Variants in ELAVL3 observed in about 807,000 individuals in gnomAD.
ELAVL3 encodes the protein ELAV like RNA binding protein 3, also known as ELAV-like protein 3.
Under a neutral mutation model 34.2 loss-of-function variants are expected in ELAVL3, and 8 were observed. That is an observed-to-expected ratio of 0.23 (90% CI 0.14 to 0.42). The LOEUF (loss-of-function observed/expected upper bound fraction) is 0.42. Ranked by LOEUF, ELAVL3 falls within the 10% of genes least tolerant of loss-of-function variation. The probability of loss-of-function intolerance (pLI) is 1.00; values close to 1 mark genes in which losing one functional copy is unlikely to be tolerated. For missense variants in ELAVL3, 273 were observed against 518.8 expected (o/e 0.53, Z 4.60); for synonymous variants, 209 against 222.1 (o/e 0.94, Z 0.53).
chr19:11,480,374 T>A lies in ELAVL3; in HGVS notation c.9+226A>T, dbSNP rs980368913. The A allele has an allele frequency of 1.4e-5, 6 of 429,954 alleles. No individual in the cohort carries two copies. 26.6% of individuals were successfully genotyped at this position (429,954 alleles called of 1,614,324 possible). A position where few individuals can be genotyped will look rare whatever the true frequency, so the allele number is the denominator to read the frequency against. ...AGGGCGGCGTCGGACGCCTCCCGAATCGCAGTCAGTCTCCCTAAGGCCCTC... is the reference window on the plus strand; with the variant it reads ...AGGGCGGCGTCGGACGCCTCCCGAAACGCAGTCAGTCTCCCTAAGGCCCTC... On this transcript the variant is annotated intron_variant, in intron 1 of 6. Coordinates refer to ENST00000359227, the MANE Select transcript of ELAVL3 (RefSeq NM_001420.4). This position sits in a 1 kb window ranked among gnomAD's most constrained non-coding sequence, Gnocchi z 6.8.
Position 11,480,483 on chromosome 19 carries a change from A to T in ELAVL3, c.9+117T>A. On this transcript the variant is annotated intron_variant, in intron 1 of 6. Transcript: ENST00000359227. The surrounding 1 kb of genome is among the most constrained non-coding windows in gnomAD (Gnocchi z 6.8). ...CCCGAGGCTTGGTCCTACCCCCCCA[A>T]CCCGGGCCTAGCTAGGCCTGGTCCT... The T allele has an allele frequency of 9.2e-7, 1 of 1,087,896 alleles. No individual in the cohort carries two copies. The highest frequency in any genetic ancestry group is 1.2e-6 in the Non-Finnish European group (1 of 829,756). The allele number at this position is 1,087,896 out of a possible 1,614,324, so 67.4% of individuals were successfully genotyped here.
At position 11,454,193 on chromosome 19, in the gene ELAVL3, T is replaced by G. The variant is rs1555730680; in HGVS notation, c.*333A>C. On this transcript the variant is annotated 3_prime_UTR_variant, in exon 7 of 7. Transcript: ENST00000359227. This position sits in a 1 kb window ranked among gnomAD's most constrained non-coding sequence, Gnocchi z 9.2. The stretch of plus-strand genomic sequence containing the variant: ...CCATCCCATCGGGGGTGGTCGAGGG[T>G]GGGGGTGGGGGCACATCTCTGCATT... The G allele has an allele frequency of 4.4e-6, 1 of 225,934 alleles. No individual in the cohort carries two copies. The highest frequency in any genetic ancestry group is 5.2e-5 in the Admixed American group (1 of 19,330). The allele number at this position is 225,934 out of a possible 1,614,324, so 14.0% of individuals were successfully genotyped here. A position where few individuals can be genotyped will look rare whatever the true frequency, so the allele number is the denominator to read the frequency against.
chr19:11,460,062 CA>C (rs1363724429), intron 3 of ELAVL3, among the ~76,000 whole-genome samples: 1 of 152,082 alleles, frequency 6.6e-6, no homozygotes, highest in Non-Finnish European at 1.5e-5. Flanking sequence ...AAGGGCACTT[CA>C]TACACAGCAC....
At chr19:11,464,448 C>T (rs182633116) in intron 3 of ELAVL3, among the ~76,000 whole-genome samples, 1 of 151,984 alleles carries the variant, frequency 6.6e-6, no homozygotes, top group African/African-American at 2.4e-5. Flanking sequence ...TAGGCGTGGG[C>T]CACTGTGCCT....
chr19:11,471,271 T>C (rs748003478), intron 1 of ELAVL3, among the ~76,000 whole-genome samples: 12 of 149,862 alleles, frequency 8.0e-5, no homozygotes, highest in Non-Finnish European at 1.6e-4. Context: ...GATTACATCA[T>C]TGCATTCCAG....
intron 3 of ELAVL3, among the ~76,000 whole-genome samples, chr19:11,464,408 C>T (rs1168763931): frequency 6.6e-6 from 1 of 151,816 alleles, no homozygotes; most frequent in Non-Finnish European, 1.5e-5. Flanking sequence ...AGTGATCCTC[C>T]TGCCTCGGCC....
Position 11,480,512 on chromosome 19 carries a change from C to CG in ELAVL3, c.9+87_9+88insC, listed in dbSNP as rs1195996327. On this transcript the variant is annotated intron_variant, in intron 1 of 6. Transcript: ENST00000359227. The surrounding 1 kb of genome is among the most constrained non-coding windows in gnomAD (Gnocchi z 6.8). Reference sequence around the variant, plus strand: ...GGGCCTAGCTAGGCCTGGTCCTACCCCCCCCGCCGCACCCGCCCAATCTCC... The same window carrying CG: ...GGGCCTAGCTAGGCCTGGTCCTACCCGCCCCCGCCGCACCCGCCCAATCTCC... 8.6e-6 allele frequency: 12 copies of CG among 1,401,286 alleles called. No individual in the cohort carries two copies. The African/African-American group carries it at 9.0e-5, about 10-fold the overall frequency. The allele number at this position is 1,401,286 out of a possible 1,614,324, so 86.8% of individuals were successfully genotyped here.
intron 5 of ELAVL3, 70 bp from the exon 6 acceptor site, chr19:11,457,218 G>GGCCCCCCCC: frequency 6.8e-7 from 1 of 1,468,662 alleles, no homozygotes. Context: ...CCGTCGGCCT[G>GGCCCCCCCC]CCCTCCCCAC....
chr19:11,459,199 T>C (rs971687532), intron 3 of ELAVL3, among the ~76,000 whole-genome samples: 2 of 151,370 alleles, frequency 1.3e-5, no homozygotes, highest in Non-Finnish European at 2.9e-5. Flanking sequence ...CTCGGCTCAT[T>C]GCAACCTCTG....
intron 5 of ELAVL3, among the ~76,000 whole-genome samples, chr19:11,457,459 C>T (rs185354437): frequency 1.3e-5 from 2 of 152,206 alleles, no homozygotes; most frequent in African/African-American, 2.4e-5. Context: ...CTAACAAAGG[C>T]GACAGTAACT....
In ELAVL3 at chr19:11,451,541, GACT is replaced by G. The variant is rs1970633340; in HGVS notation, c.*2982_*2984del. On this transcript the variant is annotated 3_prime_UTR_variant, in exon 7 of 7. Coordinates refer to ENST00000359227, the MANE Select transcript of ELAVL3 (RefSeq NM_001420.4). ...ACAGTTTTTTATCACCTCCAACATG[GACT>G]CTGTCGTGATTTGAAACCTTCCGAA... 1 of 137,018 alleles carries G rather than the reference GACT, an allele frequency of 7.3e-6. No individual in the cohort carries two copies. The highest frequency in any genetic ancestry group is 2.8e-5 in the African/African-American group (1 of 35,848). The allele number at this position is 137,018 out of a possible 1,614,324, so 8.5% of individuals were successfully genotyped here.
chr19:11,464,025 CAT>C (rs1237665415), intron 3 of ELAVL3, among the ~76,000 whole-genome samples: 7 of 150,908 alleles, frequency 4.6e-5, no homozygotes, highest in Non-Finnish European at 7.4e-5. Context: ...CCTACAGACA[CAT>C]AGGGATATAC....
In ELAVL3 at chr19:11,466,935, T is replaced by C; in HGVS notation, c.10-108A>G. 1.2e-6 allele frequency: 1 copy of C among 843,248 alleles called. No homozygotes were observed. Among genetic ancestry groups the C allele is most frequent in the South Asian group, 1.7e-5 (1 of 57,820 alleles). 52.2% of individuals were successfully genotyped at this position (843,248 alleles called of 1,614,324 possible). On this transcript the variant is annotated intron_variant, in intron 1 of 6. Coordinates refer to ENST00000359227, the MANE Select transcript of ELAVL3 (RefSeq NM_001420.4). The surrounding 1 kb of genome is among the most constrained non-coding windows in gnomAD (Gnocchi z 5.0). ...TTAGCCATGTCTTATAGGGGCTTCGTCATGGGGAGGGGTCACTTTATTATT... is the reference window on the plus strand; with the variant it reads ...TTAGCCATGTCTTATAGGGGCTTCGCCATGGGGAGGGGTCACTTTATTATT...
intron 3 of ELAVL3, among the ~76,000 whole-genome samples, chr19:11,461,233 G>A (rs1207217289): frequency 6.6e-6 from 1 of 152,072 alleles, no homozygotes; most frequent in African/African-American, 2.4e-5. Context: ...AGAAACGGTG[G>A]TGACTGGTGA....
Position 11,480,305 on chromosome 19 carries a change from C to T in ELAVL3, c.9+295G>A. On this transcript the variant is annotated intron_variant, in intron 1 of 6. Transcript: ENST00000359227. This position sits in a 1 kb window ranked among gnomAD's most constrained non-coding sequence, Gnocchi z 6.8. ...AGGAAGCATCCTTAGCCGCCGCGGC[C>T]CCTCCCCCATCAGGCCTGCTGGAGA... The T allele has an allele frequency of 2.7e-6, 1 of 373,104 alleles. No homozygotes were observed. The highest frequency in any genetic ancestry group is 3.9e-5 in the East Asian group (1 of 25,548). 23.1% of individuals were successfully genotyped at this position (373,104 alleles called of 1,614,324 possible).
At chr19:11,456,529 C>A (rs568603927) in intron 6 of ELAVL3, among the ~76,000 whole-genome samples, 1 of 144,576 alleles carries the variant, frequency 6.9e-6, no homozygotes, top group Non-Finnish European at 1.5e-5. Flanking sequence ...GATGGAGTTT[C>A]GCTCTTGTTG....
chr19:11,464,167 A>ATATAT (rs1319720810), intron 3 of ELAVL3, among the ~76,000 whole-genome samples: 1,114 of 103,724 alleles, frequency 0.011, 11 homozygotes, highest in South Asian at 0.019. Context: ...ATATATATAT[A>ATATAT]TTTTTTTTTT....
chr19:11,464,865 C>A (rs868774464), intron 3 of ELAVL3, among the ~76,000 whole-genome samples: 6 of 130,170 alleles, frequency 4.6e-5, no homozygotes, highest in East Asian at 5.1e-4. Context: ...AACACACACA[C>A]CACACACACA....
In ELAVL3 at chr19:11,452,298, CAAAG is replaced by C. The variant is rs1599522263; in HGVS notation, c.*2224_*2227del. 6.6e-6 allele frequency: 1 copy of C among 152,126 alleles called. No homozygotes were observed. 9.4% of individuals were successfully genotyped at this position (152,126 alleles called of 1,614,324 possible). A position where few individuals can be genotyped will look rare whatever the true frequency, so the allele number is the denominator to read the frequency against. On this transcript the variant is annotated 3_prime_UTR_variant, in exon 7 of 7. Transcript: ENST00000359227. ...CATGTCTCGGCAAAACTTAAAGAAACAAAGAGAACATTGTCGTTCCTTTAACTTG... is the reference window on the plus strand; with the variant it reads ...CATGTCTCGGCAAAACTTAAAGAAACAGAACATTGTCGTTCCTTTAACTTG...
Sources: allele counts gnomAD v4.1 joint callset (sites outside exome capture counted in the v4.1 genomes callset), GRCh38; gene constraint gnomAD v4.1.1; non-coding constraint Gnocchi (gnomAD v3.1); transcripts MANE v1.5; gene names NCBI Gene and HGNC (gene_info 2026-07-23, HGNC 2026-07-21).